The following HMGN3 variants were observed in gnomAD, a reference collection of about 807,000 sequenced individuals.
HMGN3 encodes high mobility group nucleosomal binding domain 3, also known as high mobility group nucleosome-binding domain-containing protein 3.
In HMGN3, 6 loss-of-function variants were observed where a neutral mutation model predicts 18.8. The observed-to-expected ratio is 0.32, with a 90% CI of 0.18 to 0.63. The LOEUF is 0.63. Ranked by LOEUF, HMGN3 falls within the 30% of genes least tolerant of loss-of-function variation. The probability of loss-of-function intolerance (pLI) is 0.79; values close to 1 mark genes in which losing one functional copy is unlikely to be tolerated. For synonymous variants in HMGN3, 40 were observed against 36.5 expected, an observed-to-expected ratio of 1.10 and a Z score of -0.35; for missense variants, 107 against 114.2, an observed-to-expected ratio of 0.94 and a Z score of 0.29.
chr6:79,202,277 T>A (rs1045509558), exon 5 of HMGN3: 2 of 1,614,018 alleles, frequency 1.2e-6, no homozygotes, highest in Non-Finnish European at 1.7e-6. Context: ...GGAAAGTACC[T>A]CTTCAGCTTT....
intron 3 of HMGN3, among the ~76,000 whole-genome samples, chr6:79,205,191 TCTG>T (rs1776358329): frequency 6.6e-6 from 1 of 152,236 alleles, no homozygotes; most frequent in Admixed American, 6.5e-5. Flanking sequence ...ACTTACAAGG[TCTG>T]TTCCCTTAAC....
chr6:79,223,739 C>CTTTTT (rs11461795), intron 1 of HMGN3, among the ~76,000 whole-genome samples: 28 of 147,544 alleles, frequency 1.9e-4, no homozygotes, highest in African/African-American at 3.5e-4. Context: ...CTAGAGTTAC[C>CTTTTT]TTTTTTTTTT....
At chr6:79,214,239 T>C (rs928017388) in intron 2 of HMGN3, among the ~76,000 whole-genome samples, 1 of 151,404 alleles carries the variant, frequency 6.6e-6, no homozygotes, top group Non-Finnish European at 1.5e-5. Flanking sequence ...TCTCGCTCTG[T>C]CACCCAGGCT....
chr6:79,233,536 G>A (rs541797793), intron 1 of HMGN3, among the ~76,000 whole-genome samples: 30 of 152,240 alleles, frequency 2.0e-4, no homozygotes, highest in African/African-American at 6.3e-4. Context: ...TGAGGCTGGC[G>A]GTGGGAGGGT....
exon 1 of HMGN3, chr6:79,234,599 C>A: frequency 6.2e-7 from 1 of 1,606,732 alleles, no homozygotes. Flanking sequence ...AAGCAACGGA[C>A]TGGAACTGCT....
At chr6:79,224,853 G>A (rs1235209159) in intron 1 of HMGN3, among the ~76,000 whole-genome samples, 1 of 152,108 alleles carries the variant, frequency 6.6e-6, no homozygotes, top group Non-Finnish European at 1.5e-5. Flanking sequence ...TGTTTGCTCG[G>A]ACATACATTA....
chr6:79,204,903 T>C (rs1776338301), intron 3 of HMGN3, among the ~76,000 whole-genome samples: 1 of 152,252 alleles, frequency 6.6e-6, no homozygotes, highest in Non-Finnish European at 1.5e-5. Context: ...CATTTTGTCA[T>C]CCTAAGCTTT....
chr6:79,203,390 C>G (rs34057607), intron 4 of HMGN3, among the ~76,000 whole-genome samples, 190 bp downstream of exon 4: 7,747 of 152,276 alleles, frequency 0.051, 215 homozygotes, highest in South Asian at 0.1. Flanking sequence ...CCGTGCCTCA[C>G]TGACCAAATG....
At chr6:79,201,670 C>A in exon 6 of HMGN3, 1 of 1,516,780 alleles carries the variant, frequency 6.6e-7, no homozygotes, top group East Asian at 2.3e-5. Context: ...AAAATCAACC[C>A]CAATTTTTCA....
chr6:79,225,509 C>T (rs909277882), intron 1 of HMGN3, among the ~76,000 whole-genome samples: 2 of 152,072 alleles, frequency 1.3e-5, no homozygotes, highest in African/African-American at 4.8e-5. Flanking sequence ...TAAACCCAGT[C>T]CCTAAGTAAT....
chr6:79,221,486 G>T (rs1043995072), intron 1 of HMGN3, among the ~76,000 whole-genome samples: 1 of 152,162 alleles, frequency 6.6e-6, no homozygotes, highest in Non-Finnish European at 1.5e-5. Context: ...CAGAAACCAA[G>T]GGAAGAAACT....
rs757035959 is a variant in HMGN3 at position 79,202,394 on chromosome 6, C to CAG, written c.148-7_148-6dup. 1 of 1,606,484 alleles carries CAG rather than the reference C, an allele frequency of 6.2e-7. No homozygotes were observed. Among genetic ancestry groups the CAG allele is most frequent in the Non-Finnish European group, 8.5e-7 (1 of 1,173,230 alleles). ...AATCTTTGCTCCAGGTTCTTTCTAA[C>CAG]AGAGGATCAAAGCACAGTGAAAGAG... On this transcript the variant is annotated splice_polypyrimidine_tract_variant and splice_region_variant and intron_variant, in intron 4 of 5. Coordinates refer to ENST00000344726, the Ensembl canonical transcript of HMGN3.
chr6:79,211,301 C>A (rs1776678249), intron 2 of HMGN3, among the ~76,000 whole-genome samples: 1 of 152,094 alleles, frequency 6.6e-6, no homozygotes, highest in East Asian at 1.9e-4. Flanking sequence ...TCAGCTTTCA[C>A]AGCCTTAAAA....
chr6:79,234,418 C>A (rs994697086), intron 1 of HMGN3, 128 bp downstream of exon 1: 6 of 826,934 alleles, frequency 7.3e-6, no homozygotes, highest in Middle Eastern at 2.4e-4. Context: ...TAAAAACAAG[C>A]GTGGAGGAGC....
exon 5 of HMGN3, chr6:79,202,382 G>C (rs1349112489): frequency 6.2e-7 from 1 of 1,613,106 alleles, no homozygotes; most frequent in Non-Finnish European, 8.5e-7. Context: ...CTTTGCTCCA[G>C]GTTCTTTCTA....
At chr6:79,211,304 C>T (rs894314684) in intron 2 of HMGN3, among the ~76,000 whole-genome samples, 1 of 152,002 alleles carries the variant, frequency 6.6e-6, no homozygotes, top group African/African-American at 2.4e-5. Flanking sequence ...GCTTTCACAG[C>T]CTTAAAATCT....
chr6:79,218,845 A>G (rs1388180992), intron 1 of HMGN3, among the ~76,000 whole-genome samples: 5 of 152,352 alleles, frequency 3.3e-5, no homozygotes, highest in East Asian at 1.9e-4. Flanking sequence ...GAAGCTAATA[A>G]AAGCAGGCTC....
chr6:79,223,763 GT>G lies in HMGN3; in HGVS notation c.16-8742del, dbSNP rs1777423262. Among the ~76,000 whole-genome samples, 8 of 148,270 alleles carry G rather than the reference GT, an allele frequency of 5.4e-5. No homozygotes were observed. The East Asian group carries it at 1.6e-3, about 29-fold the overall frequency. ...CCTTTTTTTTTTTTTATGTGCTGTG[GT>G]TTTGTACAAACATGGCCATGCAGAA... On this transcript the variant is annotated intron_variant, in intron 1 of 5. Transcript: ENST00000344726.
At chr6:79,202,063 TCTCA>T in intron 5 of HMGN3, 1 of 1,537,062 alleles carries the variant, frequency 6.5e-7, no homozygotes, top group Non-Finnish European at 8.7e-7. Flanking sequence ...TACCCTTAAC[TCTCA>T]CTGTTTCAAT....
Sources: gnomAD v4.1 joint callset for allele counts (sites outside exome capture counted in the v4.1 genomes callset) on GRCh38, gnomAD v4.1.1 for gene constraint, MANE v1.5 for transcripts, NCBI Gene and HGNC (gene_info 2026-07-23, HGNC 2026-07-21) for gene names.